KLHDC10: variants seen among roughly 807,000 people sequenced by gnomAD.
KLHDC10 encodes kelch domain containing 10.
In KLHDC10, 24 loss-of-function variants were observed where a neutral mutation model predicts 56.1. That is an observed-to-expected ratio of 0.43 (90% CI 0.31 to 0.60). KLHDC10 has a LOEUF of 0.60. KLHDC10 is among the 20% of genes least tolerant of loss of function. The probability of loss-of-function intolerance (pLI) is 0.11; values close to 1 mark genes in which losing one functional copy is unlikely to be tolerated. For missense variants in KLHDC10, 349 were observed against 567.0 expected (o/e 0.62, Z 3.91); for synonymous variants, 188 against 207.1 (o/e 0.91, Z 0.79).
rs959827219 is a variant in KLHDC10 at position 130,131,622 on chromosome 7, A to G, written c.*876A>G. On this transcript the variant is annotated 3_prime_UTR_variant, in exon 10 of 10. Transcript: ENST00000335420. The stretch of plus-strand genomic sequence containing the variant: ...TTGACTTCTTCATGGGGAATTGTAG[A>G]CCCTAAGTATGTGGTGTAAATGCCA... 1.2e-4 allele frequency: 19 copies of G among 152,148 alleles called. No individual in the cohort carries two copies. Among genetic ancestry groups the G allele is most frequent in the African/African-American group, 4.6e-4 (19 of 41,428 alleles). The allele number at this position is 152,148 out of a possible 1,614,324, so 9.4% of individuals were successfully genotyped here.
chr7:130,111,810 A>T (rs1057344259), intron 2 of KLHDC10, among the ~76,000 whole-genome samples: 15 of 152,210 alleles, frequency 9.9e-5, no homozygotes, highest in African/African-American at 3.6e-4. Flanking sequence ...GGCAGTTCCA[A>T]AAAGAAGAAA....
intron 1 of KLHDC10, among the ~76,000 whole-genome samples, chr7:130,080,331 G>T (rs1296413348): frequency 6.6e-6 from 1 of 152,080 alleles, no homozygotes; most frequent in Non-Finnish European, 1.5e-5. Context: ...GAAGTCATTT[G>T]GACCTCCTCT....
chr7:130,125,025 T>C (rs1393947259), intron 6 of KLHDC10, among the ~76,000 whole-genome samples: 1 of 152,208 alleles, frequency 6.6e-6, no homozygotes, highest in Non-Finnish European at 1.5e-5. Flanking sequence ...TAGATTAGGC[T>C]GTAGAGCTCC....
At chr7:130,105,177 A>G (rs58154811) in intron 2 of KLHDC10, among the ~76,000 whole-genome samples, 20,580 of 152,232 alleles carry the variant, frequency 0.14, 1,598 homozygotes, top group East Asian at 0.31. Context: ...TGGTACAACC[A>G]TTTTGAAAAC....
chr7:130,106,159 T>TAAAA lies in KLHDC10; in HGVS notation c.253+9153_253+9156dup, dbSNP rs1405356509. 6.3e-4 allele frequency among the ~76,000 whole-genome samples: 96 copies of TAAAA among 151,492 alleles called. 3 individuals are homozygous for TAAAA. Among genetic ancestry groups the TAAAA allele is most frequent in the Admixed American group, 6.3e-3 (96 of 15,152 alleles). ...AAAACTCCGTCTCAAAATAAATAAA[T>TAAAA]AAAATAAATAATAATCTGTACATTT... On this transcript the variant is annotated intron_variant, in intron 2 of 9. Transcript: ENST00000335420.
chr7:130,090,162 A>G (rs888960754), intron 1 of KLHDC10, among the ~76,000 whole-genome samples: 10 of 152,140 alleles, frequency 6.6e-5, no homozygotes. Context: ...TTAAATATTC[A>G]TAATTGTTTT....
chr7:130,129,613 C>T, intron 9 of KLHDC10, 37 bp downstream of exon 9: 2 of 1,578,154 alleles, frequency 1.3e-6, no homozygotes, highest in Non-Finnish European at 1.7e-6. Context: ...TATGTAGTTA[C>T]AGATGATAAG....
intron 1 of KLHDC10, among the ~76,000 whole-genome samples, chr7:130,073,952 T>A (rs945512834): frequency 3.3e-5 from 5 of 152,198 alleles, no homozygotes; most frequent in African/African-American, 9.7e-5. Flanking sequence ...GTGCTTCTAC[T>A]CTTGCCCTTC....
At chr7:130,099,882 T>C (rs1177434828) in intron 2 of KLHDC10, among the ~76,000 whole-genome samples, 1 of 152,136 alleles carries the variant, frequency 6.6e-6, no homozygotes, top group African/African-American at 2.4e-5. Context: ...GGGCCGGGCA[T>C]GGTGGCCTAC....
intron 8 of KLHDC10, among the ~76,000 whole-genome samples, chr7:130,128,889 A>AAAAAAAATATATATATATATATATAT: frequency 4.5e-5 from 3 of 66,954 alleles, no homozygotes; most frequent in African/African-American, 7.3e-5. Context: ...AAAAAAAAAA[A>AAAAAAAATATATATATATATATATAT]ATATATATAT....
At chr7:130,094,676 A>G (rs1156347737) in intron 1 of KLHDC10, among the ~76,000 whole-genome samples, 1 of 152,074 alleles carries the variant, frequency 6.6e-6, no homozygotes, top group African/African-American at 2.4e-5. Flanking sequence ...TTCATTTGCA[A>G]TATATTGTGA....
At chr7:130,111,328 A>T (rs1022703196) in intron 2 of KLHDC10, among the ~76,000 whole-genome samples, 1 of 152,224 alleles carries the variant, frequency 6.6e-6, no homozygotes, top group Non-Finnish European at 1.5e-5. Context: ...AAAAGACAAG[A>T]TTGAGAGACT....
intron 1 of KLHDC10, among the ~76,000 whole-genome samples, chr7:130,088,061 A>G (rs556808997): frequency 6.6e-6 from 1 of 152,044 alleles, no homozygotes; most frequent in East Asian, 1.9e-4. Flanking sequence ...GTGCCCGGCC[A>G]TATTATACTT....
At chr7:130,101,087 A>G (rs1329692959) in intron 2 of KLHDC10, among the ~76,000 whole-genome samples, 1 of 151,616 alleles carries the variant, frequency 6.6e-6, no homozygotes, top group African/African-American at 2.4e-5. Context: ...TAGCAACTGT[A>G]TGACCTTGGG....
At chr7:130,125,414 G>A (rs1796301171) in intron 6 of KLHDC10, among the ~76,000 whole-genome samples, 1 of 152,010 alleles carries the variant, frequency 6.6e-6, no homozygotes, top group South Asian at 2.1e-4. Flanking sequence ...GTGTTGGCGG[G>A]CACCTGTAGT....
chr7:130,128,887 A>ATATATATATAT (rs1434178196), intron 8 of KLHDC10, among the ~76,000 whole-genome samples: 6 of 68,250 alleles, frequency 8.8e-5, no homozygotes, highest in African/African-American at 4.1e-4. Flanking sequence ...AAAAAAAAAA[A>ATATATATATAT]AAATATATAT....
chr7:130,070,727 CGGGGGCAGT>C lies in KLHDC10; in HGVS notation c.93_101del (p.Ser34_Gly36del). 1.8e-6 allele frequency: 1 copy of C among 543,670 alleles called. No homozygotes were observed. Among genetic ancestry groups the C allele is most frequent in the South Asian group, 6.2e-5 (1 of 16,186 alleles). The allele number at this position is 543,670 out of a possible 1,614,324, so 33.7% of individuals were successfully genotyped here. The stretch of plus-strand genomic sequence containing the variant: ...CTGGTGGCGGAGGTAGCGGGGCCGG[CGGGGGCAGT>C]GGGGGCAGCGGGGGTCGGGGGACTG... On this transcript the variant is annotated inframe_deletion, in exon 1 of 10. Transcript: ENST00000335420.
At chr7:130,087,033 A>C (rs964229685) in intron 1 of KLHDC10, among the ~76,000 whole-genome samples, 4 of 152,134 alleles carry the variant, frequency 2.6e-5, no homozygotes, top group African/African-American at 9.7e-5. Flanking sequence ...CCCCTTTTTT[A>C]TAGTTAAGGA....
intron 2 of KLHDC10, among the ~76,000 whole-genome samples, chr7:130,115,612 G>A (rs1796156054): frequency 2.6e-5 from 4 of 151,426 alleles, no homozygotes; most frequent in African/African-American, 7.3e-5. Flanking sequence ...CTACTTGGGA[G>A]GCTGAGGCAG....
Sources: gnomAD v4.1 joint callset for allele counts (sites outside exome capture counted in the v4.1 genomes callset) on GRCh38, gnomAD v4.1.1 for gene constraint, MANE v1.5 for transcripts, NCBI Gene and HGNC (gene_info 2026-07-23, HGNC 2026-07-21) for gene names.